Variants in ZDHHC13 observed in about 807,000 individuals in gnomAD.
The protein encoded by ZDHHC13 is zDHHC palmitoyltransferase 13, also known as palmitoyltransferase ZDHHC13.
A neutral mutation model predicts 86.0 loss-of-function variants in ZDHHC13; 85 were observed. The observed-to-expected ratio is 0.99, with a 90% CI of 0.83 to 1.18. ZDHHC13 has a LOEUF of 1.18. ZDHHC13 is among the 50% of genes most tolerant of loss of function. The probability of loss-of-function intolerance (pLI) is 0.00; values close to 1 mark genes in which losing one functional copy is unlikely to be tolerated. For synonymous variants in ZDHHC13, 263 were observed against 246.4 expected (o/e 1.07, Z -0.63); for missense variants, 711 against 730.2 (o/e 0.97, Z 0.30).
chr11:19,119,270 C>G (rs116534502), intron 1 of ZDHHC13, among the ~76,000 whole-genome samples: 6,590 of 152,160 alleles, frequency 0.043, 254 homozygotes, highest in East Asian at 0.21. Context: ...ACCACCACAC[C>G]CTGCTAATTT....
In ZDHHC13 at chr11:19,122,970, A is replaced by G. The variant is rs1848787886; in HGVS notation, c.27+5694A>G. On this transcript the variant is annotated intron_variant, in intron 1 of 16. Coordinates refer to ENST00000446113, the MANE Select transcript of ZDHHC13 (RefSeq NM_019028.3). Reference sequence around the variant, plus strand: ...TAAACAATGATGACATGAACGGAAGATATCTTCTGTTTTCTAGTTTCTTAA... The same window carrying G: ...TAAACAATGATGACATGAACGGAAGGTATCTTCTGTTTTCTAGTTTCTTAA... 3.3e-5 allele frequency among the ~76,000 whole-genome samples: 5 copies of G among 152,252 alleles called. No homozygotes were observed. In the South Asian group the frequency reaches 1.0e-3, roughly 32 times the overall value.
intron 1 of ZDHHC13, among the ~76,000 whole-genome samples, chr11:19,137,562 CG>C (rs1849178812): frequency 6.6e-6 from 1 of 151,748 alleles, no homozygotes; most frequent in Admixed American, 6.6e-5. Context: ...CTGCACCAAG[CG>C]GACCTAATAG....
chr11:19,146,206 G>A lies in ZDHHC13; in HGVS notation c.199G>A (p.Glu67Lys). The A allele has an allele frequency of 6.2e-7, 1 of 1,607,466 alleles. No homozygotes were observed. Among genetic ancestry groups the A allele is most frequent in the African/African-American group, 1.3e-5 (1 of 74,780 alleles). Reference sequence around the variant, plus strand: ...ATACGGAATTTTTGAACGATGTAAAGAGTTGGTAGAAGCAGGATATGATGT... The same window carrying A: ...ATACGGAATTTTTGAACGATGTAAAAAGTTGGTAGAAGCAGGATATGATGT... ...TQYGIFERCK[E>K]LVEAGYDVRQ... is the part of the protein sequence containing the mutation. The change falls in exon 3 of 17, where the codon GAG (glutamate) becomes AAG (lysine). Residue 67 changes from glutamate to lysine, a missense_variant. Glu to Lys is a moderately conservative substitution (Grantham distance 56, BLOSUM62 1). Coordinates refer to ENST00000446113, the MANE Select transcript of ZDHHC13 (RefSeq NM_019028.3).
intron 16 of ZDHHC13, among the ~76,000 whole-genome samples, chr11:19,173,682 G>A (rs149876707): frequency 0.013 from 2,038 of 152,284 alleles, 26 homozygotes; most frequent in Middle Eastern, 0.034. Context: ...GGAAAGGAGC[G>A]TAAACTTGTG....
intron 1 of ZDHHC13, among the ~76,000 whole-genome samples, chr11:19,120,270 T>C (rs1473806551): frequency 1.3e-5 from 2 of 152,230 alleles, no homozygotes; most frequent in Non-Finnish European, 2.9e-5. Context: ...TGTTCCACCA[T>C]GTCTAGAGCC....
chr11:19,164,041 T>G, intron 11 of ZDHHC13, among the ~76,000 whole-genome samples: 1 of 152,128 alleles, frequency 6.6e-6, no homozygotes, highest in East Asian at 1.9e-4. Context: ...GGGAGATGAT[T>G]GCCATTCACA....
Position 19,165,081 on chromosome 11 carries a change from C to T in ZDHHC13, c.1326C>T (p.Cys442=). 1 of 1,612,986 alleles carries T rather than the reference C, an allele frequency of 6.2e-7. No homozygotes were observed. The highest frequency in any genetic ancestry group is 1.3e-5 in the African/African-American group (1 of 74,986). The change falls in exon 13 of 17, where the codon TGC becomes TGT. Residue 442 remains cysteine (C), a synonymous_variant. Transcript: ENST00000446113. Reference sequence around the variant, plus strand: ...GGAAGCCATTAAGGTCACTCCACTGCCATGTATGCAACTGCTGTGTGGCTC... The same window carrying T: ...GGAAGCCATTAAGGTCACTCCACTGTCATGTATGCAACTGCTGTGTGGCTC... ...LIRKPLRSLH[C]HVCNCCVARY...
chr11:19,170,358 G>C (rs1850185593), intron 14 of ZDHHC13, 53 bp from the exon 15 acceptor site: 1 of 1,437,294 alleles, frequency 7.0e-7, no homozygotes, highest in African/African-American at 1.5e-5. Flanking sequence ...CTTGGAGACT[G>C]ATAAGTAGTT....
intron 14 of ZDHHC13, 120 bp from the exon 15 acceptor site, chr11:19,170,291 C>T: frequency 7.0e-7 from 1 of 1,428,476 alleles, no homozygotes; most frequent in Non-Finnish European, 9.1e-7. Context: ...AAAATTGAAT[C>T]ATGATCTGTG....
At chr11:19,165,733 G>T (rs765236012) in intron 13 of ZDHHC13, among the ~76,000 whole-genome samples, 1 of 152,148 alleles carries the variant, frequency 6.6e-6, no homozygotes. Context: ...TTCGTTTTCT[G>T]TGTTCCCCCT....
At chr11:19,159,613 A>G (rs1445416010) in intron 10 of ZDHHC13, among the ~76,000 whole-genome samples, 1 of 150,614 alleles carries the variant, frequency 6.6e-6, no homozygotes, top group East Asian at 1.9e-4. Context: ...AAAAAATTTT[A>G]ATCATGGCCC....
chr11:19,135,605 C>G (rs934869664), intron 1 of ZDHHC13, among the ~76,000 whole-genome samples: 2 of 152,224 alleles, frequency 1.3e-5, no homozygotes, highest in Non-Finnish European at 2.9e-5. Flanking sequence ...TCTGTAGGCT[C>G]CACCTCTGGG....
intron 8 of ZDHHC13, among the ~76,000 whole-genome samples, chr11:19,152,963 A>C (rs1410561395): frequency 1.3e-5 from 2 of 152,190 alleles, no homozygotes; most frequent in Admixed American, 1.3e-4. Context: ...TTGAAATGCA[A>C]AAGGTTTTGA....
Position 19,117,243 on chromosome 11 carries a change from T to A in ZDHHC13, c.-7T>A, listed in dbSNP as rs755811902. 13 of 1,517,462 alleles carry A rather than the reference T, an allele frequency of 8.6e-6. No individual in the cohort carries two copies. The Middle Eastern group carries it at 7.0e-4, about 81-fold the overall frequency. 94.0% of individuals were successfully genotyped at this position (1,517,462 alleles called of 1,614,324 possible). A position where few individuals can be genotyped will look rare whatever the true frequency, so the allele number is the denominator to read the frequency against. On this transcript the variant is annotated 5_prime_UTR_variant, in exon 1 of 17. Coordinates refer to ENST00000446113, the MANE Select transcript of ZDHHC13 (RefSeq NM_019028.3). The surrounding 1 kb of genome is among the most constrained non-coding windows in gnomAD (Gnocchi z 4.2). The stretch of plus-strand genomic sequence containing the variant: ...AGTAGCCTCAGCCGCTGTGGGCTCC[T>A]GGGGAGATGGAGGGGCCGGGGCTGG...
Position 19,154,566 on chromosome 11 carries a change from GCACAAA to G in ZDHHC13, c.874-1227_874-1222del, listed in dbSNP as rs1849704862. Among the ~76,000 whole-genome samples, 4 of 152,160 alleles carry G rather than the reference GCACAAA, an allele frequency of 2.6e-5. No homozygotes were observed. In the South Asian group the frequency reaches 8.3e-4, roughly 32 times the overall value. ...ATATCTTGTCATTAAAGACTGCATTGCACAAACATGGGGCCCAGCTTCAATTCAGTC... is the reference window on the plus strand; with the variant it reads ...ATATCTTGTCATTAAAGACTGCATTGCATGGGGCCCAGCTTCAATTCAGTC... On this transcript the variant is annotated intron_variant, in intron 8 of 16. Coordinates refer to ENST00000446113, the MANE Select transcript of ZDHHC13 (RefSeq NM_019028.3).
At chr11:19,131,635 ATT>A (rs796670922) in intron 1 of ZDHHC13, among the ~76,000 whole-genome samples, 1 of 144,924 alleles carries the variant, frequency 6.9e-6, no homozygotes, top group African/African-American at 2.5e-5. Flanking sequence ...TTAGAGATTG[ATT>A]TTTTTTTTTT....
intron 1 of ZDHHC13, among the ~76,000 whole-genome samples, chr11:19,137,513 C>G (rs1424706930): frequency 6.6e-6 from 1 of 151,508 alleles, no homozygotes; most frequent in African/African-American, 2.4e-5. Context: ...ATCAACGAGA[C>G]AGAAAGTCAA....
chr11:19,129,070 C>T (rs943678772), intron 1 of ZDHHC13, among the ~76,000 whole-genome samples: 6 of 152,118 alleles, frequency 3.9e-5, no homozygotes, highest in African/African-American at 1.4e-4. Flanking sequence ...TGTAACCCTC[C>T]CACTGAACAC....
chr11:19,164,650 A>T (rs2133463753), intron 12 of ZDHHC13: 1 of 445,824 alleles, frequency 2.2e-6, no homozygotes, highest in South Asian at 3.2e-5. Flanking sequence ...GTCAAATCAG[A>T]GGCTCATAAT....
Sources: gnomAD v4.1 joint callset for allele counts (sites outside exome capture counted in the v4.1 genomes callset) on GRCh38, gnomAD v4.1.1 for gene constraint, Gnocchi (gnomAD v3.1) non-coding constraint, MANE v1.5 for transcripts, NCBI Gene and HGNC (gene_info 2026-07-23, HGNC 2026-07-21) for gene names.